Variants in AOPEP observed in about 807,000 individuals in gnomAD.
AOPEP encodes the protein aminopeptidase O.
A neutral mutation model predicts 98.1 loss-of-function variants in AOPEP; 77 were observed. The ratio of observed to expected loss-of-function variants is 0.78; its 90% CI spans 0.65 to 0.95. AOPEP has a LOEUF of 0.95. Ranked by LOEUF, AOPEP falls within the 40% of genes least tolerant of loss-of-function variation. The pLI, the probability that AOPEP is intolerant of heterozygous loss-of-function variation, is 0.00. For synonymous variants in AOPEP, 346 were observed against 365.3 expected, an observed-to-expected ratio of 0.95 and a Z score of 0.60; for missense variants, 1,024 against 1,024.7, an observed-to-expected ratio of 1.00 and a Z score of 0.01.
At chr9:94,983,062 T>A (rs1589160080) in intron 11 of AOPEP, among the ~76,000 whole-genome samples, 1 of 149,816 alleles carries the variant, frequency 6.7e-6, no homozygotes, top group African/African-American at 2.5e-5. Context: ...GAGTCTCGCT[T>A]TGTCACCCAG....
intron 5 of AOPEP, among the ~76,000 whole-genome samples, chr9:94,868,387 C>G (rs892582497): frequency 2.6e-5 from 4 of 152,198 alleles, no homozygotes; most frequent in Admixed American, 2.0e-4. Flanking sequence ...CTATTTTCTT[C>G]AATTTTAGAT....
At chr9:95,047,137 A>G (rs988323671) in intron 13 of AOPEP, among the ~76,000 whole-genome samples, 1 of 152,234 alleles carries the variant, frequency 6.6e-6, no homozygotes, top group Admixed American at 6.5e-5. Context: ...TTTAGCTCAC[A>G]TTTTATAAAT....
At chr9:94,910,488 C>T (rs961042021) in intron 5 of AOPEP, among the ~76,000 whole-genome samples, 2 of 152,238 alleles carry the variant, frequency 1.3e-5, no homozygotes, top group Admixed American at 1.3e-4. Context: ...AAGGGTGGGA[C>T]CTAATGCTAC....
intron 9 of AOPEP, among the ~76,000 whole-genome samples, chr9:94,957,632 T>C (rs1203128116): frequency 2.0e-5 from 3 of 152,230 alleles, no homozygotes; most frequent in Non-Finnish European, 4.4e-5. Context: ...ATTTACAAGA[T>C]TGTTCAACCG....
intron 7 of AOPEP, among the ~76,000 whole-genome samples, chr9:94,940,509 C>T (rs997699906): frequency 2.0e-5 from 3 of 151,918 alleles, no homozygotes; most frequent in Admixed American, 6.6e-5. Flanking sequence ...GGCTGAGGCA[C>T]GAGAATTTCT....
chr9:95,144,480 A>T, the AOPEP span, among the ~76,000 whole-genome samples: 1 of 152,238 alleles, frequency 6.6e-6, no homozygotes, highest in African/African-American at 2.4e-5. Flanking sequence ...CCCTCTGAGC[A>T]CTGTGCTAGA....
chr9:94,900,205 A>G (rs1402448335), intron 5 of AOPEP, among the ~76,000 whole-genome samples: 1 of 152,234 alleles, frequency 6.6e-6, no homozygotes, highest in Non-Finnish European at 1.5e-5. Context: ...CTTGTCTGTG[A>G]AATGAGACTG....
At chr9:95,082,480 A>C in intron 15 of AOPEP, 95 bp from the exon 16 acceptor site, 2 of 1,377,550 alleles carry the variant, frequency 1.5e-6, no homozygotes, top group East Asian at 2.4e-5. Flanking sequence ...TAGACCAGCA[A>C]GTGTGTGTGG....
intron 11 of AOPEP, among the ~76,000 whole-genome samples, chr9:94,996,268 C>T (rs2061222970): frequency 6.6e-6 from 1 of 151,852 alleles, no homozygotes; most frequent in Non-Finnish European, 1.5e-5. Context: ...AACAAACATT[C>T]TGGAAAATAG....
intron 3 of AOPEP, among the ~76,000 whole-genome samples, chr9:94,781,724 C>A (rs1843298106): frequency 6.6e-6 from 1 of 151,132 alleles, no homozygotes; most frequent in Non-Finnish European, 1.5e-5. Context: ...CCACGCCTGG[C>A]TAATTTTTTG....
intron 5 of AOPEP, 120 bp downstream of exon 5, chr9:94,801,122 C>T: frequency 1.7e-6 from 2 of 1,201,930 alleles, no homozygotes; most frequent in Non-Finnish European, 2.4e-6. Flanking sequence ...GCTATGGTTG[C>T]TCATGCTTGG....
At chr9:94,909,236 A>AT (rs1356106716) in intron 5 of AOPEP, among the ~76,000 whole-genome samples, 3 of 151,822 alleles carry the variant, frequency 2.0e-5, no homozygotes, top group African/African-American at 2.4e-5. Context: ...AGAAGCAAAC[A>AT]TGCTGTAGTT....
In AOPEP at chr9:94,739,791, G is replaced by C. The variant is rs944959640; in HGVS notation, c.-136+13040G>C. ...TGAAGTTCACCAGACCTATTCTATT[G>C]GTTGGACTGTTCTTCTACCCACTGA... On this transcript the variant is annotated intron_variant, in intron 1 of 16. Transcript: ENST00000375315. Among the ~76,000 whole-genome samples the C allele has an allele frequency of 1.4e-4, 22 of 152,112 alleles. 1 individual carries two copies. The highest frequency in any genetic ancestry group is 5.3e-4 in the African/African-American group (22 of 41,414).
intron 14 of AOPEP, among the ~76,000 whole-genome samples, chr9:95,076,098 G>A (rs1413768434): frequency 6.6e-6 from 1 of 152,162 alleles, no homozygotes; most frequent in Non-Finnish European, 1.5e-5. Flanking sequence ...CCATAATACT[G>A]TCCCCACCTT....
At chr9:95,027,495 T>G (rs2063936026) in intron 13 of AOPEP, among the ~76,000 whole-genome samples, 1 of 152,216 alleles carries the variant, frequency 6.6e-6, no homozygotes, top group Admixed American at 6.5e-5. Context: ...TTTGGTATTT[T>G]GAATTCTTTT....
intron 14 of AOPEP, among the ~76,000 whole-genome samples, chr9:95,061,263 C>T (rs759140109): frequency 4.6e-5 from 7 of 152,130 alleles, no homozygotes; most frequent in African/African-American, 1.7e-4. Flanking sequence ...TGGATGCTTG[C>T]GAGAAAGCAA....
intron 13 of AOPEP, among the ~76,000 whole-genome samples, chr9:95,016,868 TAGGATTAC>T (rs2063044674): frequency 6.6e-6 from 1 of 151,882 alleles, no homozygotes; most frequent in Non-Finnish European, 1.5e-5. Context: ...CCCAAAGTGC[TAGGATTAC>T]AGGCATGAGC....
chr9:95,129,922 T>C, the AOPEP span, among the ~76,000 whole-genome samples: 24 of 152,030 alleles, frequency 1.6e-4, no homozygotes, highest in African/African-American at 5.8e-4. Context: ...TTCCCTCTGA[T>C]CTCCCCTCAT....
At chr9:94,817,465 C>T (rs1447603191) in intron 5 of AOPEP, among the ~76,000 whole-genome samples, 7 of 152,214 alleles carry the variant, frequency 4.6e-5, no homozygotes, top group Non-Finnish European at 1.0e-4. Context: ...GCTCCATGGC[C>T]ATGCCTGAGA....
Sources: allele counts gnomAD v4.1 joint callset (sites outside exome capture counted in the v4.1 genomes callset), GRCh38; gene constraint gnomAD v4.1.1; transcripts MANE v1.5; gene names NCBI Gene and HGNC (gene_info 2026-07-23, HGNC 2026-07-21).